Variants in SYN3 observed in about 807,000 individuals in gnomAD.
SYN3 encodes synapsin III, also known as synapsin-3.
Under a neutral mutation model 65.8 loss-of-function variants are expected in SYN3, and 35 were observed. The ratio of observed to expected loss-of-function variants is 0.53; its 90% CI spans 0.41 to 0.70. The LOEUF (loss-of-function observed/expected upper bound fraction) is 0.70, where lower values mean the gene tolerates loss of function less well. Among genes scored for constraint, SYN3 ranks in the 30% least tolerant of loss-of-function variants. The pLI is 0.00. For synonymous variants in SYN3, 270 were observed against 292.9 expected, an observed-to-expected ratio of 0.92 and a Z score of 0.80; for missense variants, 680 against 749.0, an observed-to-expected ratio of 0.91 and a Z score of 1.08.
In SYN3 at chr22:32,597,535, A is replaced by T. The variant is rs140190430; in HGVS notation, c.712-799T>A. Among the ~76,000 whole-genome samples, 507 of 152,124 alleles carry T rather than the reference A, an allele frequency of 3.3e-3. 2 individuals are homozygous for T. The highest frequency in any genetic ancestry group is 0.019 in the South Asian group (91 of 4,818). ...CTGGCCCATTATTCTTTCAAATAACACTTCAACCACCTGAAAACTTTCACT... is the reference window on the plus strand; with the variant it reads ...CTGGCCCATTATTCTTTCAAATAACTCTTCAACCACCTGAAAACTTTCACT... On this transcript the variant is annotated intron_variant, in intron 6 of 13. Transcript: ENST00000358763.
intron 4 of SYN3, among the ~76,000 whole-genome samples, chr22:32,871,921 C>T (rs556241246): frequency 6.6e-6 from 1 of 152,258 alleles, no homozygotes; most frequent in Non-Finnish European, 1.5e-5. Context: ...AACCACCCTA[C>T]CCAGCCTTCC....
At chr22:32,522,420 A>G (rs2057900684) in intron 12 of SYN3, among the ~76,000 whole-genome samples, 1 of 152,202 alleles carries the variant, frequency 6.6e-6, no homozygotes, top group African/African-American at 2.4e-5. Flanking sequence ...CTCTGTTTTA[A>G]AACGGCTCTG....
chr22:32,836,482 C>T (rs2047732236), intron 6 of SYN3, among the ~76,000 whole-genome samples: 1 of 152,314 alleles, frequency 6.6e-6, no homozygotes, highest in Admixed American at 6.5e-5. Context: ...AGTTAGCATT[C>T]TTTACTTATT....
intron 4 of SYN3, among the ~76,000 whole-genome samples, chr22:32,888,722 C>G (rs752039268): frequency 3.9e-5 from 6 of 152,142 alleles, no homozygotes; most frequent in Non-Finnish European, 7.4e-5. Context: ...AACCTGAAAT[C>G]TGAAATGCTC....
chr22:33,033,735 C>T (rs1448981508), intron 1 of SYN3, among the ~76,000 whole-genome samples: 1 of 152,130 alleles, frequency 6.6e-6, no homozygotes, highest in Non-Finnish European at 1.5e-5. Context: ...GCACTGCGCA[C>T]TGTGGCACTC....
chr22:32,705,738 T>C (rs905243825), intron 6 of SYN3, among the ~76,000 whole-genome samples: 1 of 152,230 alleles, frequency 6.6e-6, no homozygotes, highest in African/African-American at 2.4e-5. Context: ...CTTTGAGCAG[T>C]GTCTTGTAGT....
intron 6 of SYN3, among the ~76,000 whole-genome samples, chr22:32,766,427 T>A (rs1297847027): frequency 6.6e-6 from 1 of 152,226 alleles, no homozygotes; most frequent in Admixed American, 6.5e-5. Flanking sequence ...GATACAGCAG[T>A]TCTGCAAGGT....
At chr22:32,750,890 G>A (rs568397472) in intron 6 of SYN3, among the ~76,000 whole-genome samples, 3 of 152,224 alleles carry the variant, frequency 2.0e-5, no homozygotes, top group Middle Eastern at 3.4e-3. Flanking sequence ...AGGTTTTGGG[G>A]TGGGGAGAAG....
chr22:32,839,873 G>A (rs769511195), intron 6 of SYN3, among the ~76,000 whole-genome samples: 2 of 151,882 alleles, frequency 1.3e-5, no homozygotes. Context: ...TCCCCTTCCC[G>A]GCCCCTTCAT....
intron 6 of SYN3, among the ~76,000 whole-genome samples, chr22:32,710,645 A>AAAAAAAAAAAAAAAAAAT (rs1555931894): frequency 2.4e-5 from 3 of 127,032 alleles, no homozygotes; most frequent in Admixed American, 8.7e-5. Flanking sequence ...AAAAAAAAAA[A>AAAAAAAAAAAAAAAAAAT]AAAGAAAGAA....
chr22:32,560,343 T>A (rs1273747258), intron 7 of SYN3, among the ~76,000 whole-genome samples: 1 of 152,228 alleles, frequency 6.6e-6, no homozygotes, highest in East Asian at 1.9e-4. Context: ...GAATGGAGGT[T>A]GCTGAAGGTT....
intron 2 of SYN3, among the ~76,000 whole-genome samples, chr22:32,997,769 G>A (rs924421503): frequency 6.6e-6 from 1 of 152,142 alleles, no homozygotes; most frequent in South Asian, 2.1e-4. Context: ...GCTCACGTCT[G>A]TAACCCCAGC....
intron 6 of SYN3, among the ~76,000 whole-genome samples, chr22:32,825,160 G>T (rs2047365360): frequency 6.6e-6 from 1 of 152,088 alleles, no homozygotes; most frequent in African/African-American, 2.4e-5. Context: ...TTGGGGGAGG[G>T]ATGGGTGAGC....
chr22:33,042,228 C>A (rs145710747), intron 1 of SYN3, among the ~76,000 whole-genome samples: 1 of 152,126 alleles, frequency 6.6e-6, no homozygotes, highest in South Asian at 2.1e-4. Flanking sequence ...TTTAAGCTAC[C>A]CAGTCTGTGG....
At chr22:32,643,500 A>ATCAC (rs1327888796) in intron 6 of SYN3, among the ~76,000 whole-genome samples, 3 of 141,588 alleles carry the variant, frequency 2.1e-5, no homozygotes, top group Admixed American at 7.1e-5. Context: ...AGTCCTTGAA[A>ATCAC]TCACTGTAAG....
intron 6 of SYN3, among the ~76,000 whole-genome samples, chr22:32,836,394 G>A (rs1391362292): frequency 1.3e-5 from 2 of 152,168 alleles, no homozygotes; most frequent in Non-Finnish European, 2.9e-5. Flanking sequence ...ACACTTCAAG[G>A]CCAGGGCAGG....
chr22:32,993,566 G>A (rs1051123856), intron 2 of SYN3, among the ~76,000 whole-genome samples: 7 of 152,134 alleles, frequency 4.6e-5, no homozygotes, highest in South Asian at 4.1e-4. Flanking sequence ...GGCTGGTCTC[G>A]AACTCCTAAC....
At chr22:32,766,228 C>A (rs1165777192) in intron 6 of SYN3, among the ~76,000 whole-genome samples, 1 of 152,184 alleles carries the variant, frequency 6.6e-6, no homozygotes, top group Non-Finnish European at 1.5e-5. Flanking sequence ...ATGTGCTGAG[C>A]ACCTTTTGTG....
chr22:32,953,741 G>A (rs1224789055), intron 3 of SYN3, among the ~76,000 whole-genome samples: 2 of 152,104 alleles, frequency 1.3e-5, no homozygotes, highest in Non-Finnish European at 2.9e-5. Flanking sequence ...ATGGGAAGAT[G>A]TTGGCATCTT....
Sources: allele counts gnomAD v4.1 joint callset (sites outside exome capture counted in the v4.1 genomes callset), GRCh38; gene constraint gnomAD v4.1.1; transcripts MANE v1.5; gene names NCBI Gene and HGNC (gene_info 2026-07-23, HGNC 2026-07-21).